The following NDUFAF2 variants were observed in gnomAD, a reference collection of about 807,000 sequenced individuals.
NDUFAF2 encodes NADH dehydrogenase [ubiquinone] 1 alpha subcomplex assembly factor 2.
A neutral mutation model predicts 22.8 loss-of-function variants in NDUFAF2; 13 were observed. That is an observed-to-expected ratio of 0.57 (90% CI 0.37 to 0.91). The LOEUF is 0.91. NDUFAF2 is among the 40% of genes least tolerant of loss of function. The pLI, the probability that NDUFAF2 is intolerant of heterozygous loss-of-function variation, is 0.01. For missense variants in NDUFAF2, 162 were observed against 195.2 expected (o/e 0.83, Z 1.01); for synonymous variants, 53 against 64.2 (o/e 0.83, Z 0.84).
At chr5:61,073,718 C>T (rs1019857851) in intron 2 of NDUFAF2, among the ~76,000 whole-genome samples, 2 of 152,114 alleles carry the variant, frequency 1.3e-5, no homozygotes, top group Admixed American at 1.3e-4. Flanking sequence ...GATGGATGCT[C>T]GATCCCTTTC....
intron 1 of NDUFAF2, among the ~76,000 whole-genome samples, chr5:60,956,137 G>A (rs1260614867): frequency 6.6e-6 from 1 of 152,094 alleles, no homozygotes; most frequent in Non-Finnish European, 1.5e-5. Flanking sequence ...CTGGGCTCAA[G>A]TGATCCACCT....
intron 2 of NDUFAF2, among the ~76,000 whole-genome samples, chr5:61,082,949 C>G (rs138723409): frequency 6.6e-6 from 1 of 152,110 alleles, no homozygotes; most frequent in South Asian, 2.1e-4. Flanking sequence ...TGAGAATCGC[C>G]AAACTGCTTT....
chr5:61,117,791 G>A (rs1285988546), intron 3 of NDUFAF2, among the ~76,000 whole-genome samples: 1 of 152,106 alleles, frequency 6.6e-6, no homozygotes, highest in Non-Finnish European at 1.5e-5. Context: ...GACCCAAATG[G>A]TCTCTGTTGA....
chr5:61,100,747 C>A (rs1752695931), intron 3 of NDUFAF2, among the ~76,000 whole-genome samples: 1 of 152,060 alleles, frequency 6.6e-6, no homozygotes, highest in Non-Finnish European at 1.5e-5. Context: ...GCTCGCTTTC[C>A]CACGCCCCAC....
chr5:61,136,039 AT>A (rs937225396), intron 3 of NDUFAF2, among the ~76,000 whole-genome samples: 3 of 103,390 alleles, frequency 2.9e-5, no homozygotes, highest in Admixed American at 1.0e-4. Context: ...ATATATATAT[AT>A]ATCTAGGGTG....
intron 1 of NDUFAF2, among the ~76,000 whole-genome samples, chr5:61,041,323 T>C (rs553710253): frequency 6.6e-6 from 1 of 152,256 alleles, no homozygotes; most frequent in East Asian, 1.9e-4. Flanking sequence ...AGTAGTTTTA[T>C]AAGTATTTGA....
chr5:60,998,919 C>T (rs1370592998), intron 1 of NDUFAF2, among the ~76,000 whole-genome samples: 1 of 151,710 alleles, frequency 6.6e-6, no homozygotes, highest in Non-Finnish European at 1.5e-5. Flanking sequence ...AATTTGAGGA[C>T]ACTGTACCAA....
intron 1 of NDUFAF2, among the ~76,000 whole-genome samples, chr5:61,031,278 C>T (rs1368911114): frequency 6.6e-6 from 1 of 151,936 alleles, no homozygotes; most frequent in Non-Finnish European, 1.5e-5. Flanking sequence ...CTACATTAGA[C>T]ATTTCTTGTA....
chr5:61,006,116 G>A (rs983540985), intron 1 of NDUFAF2, among the ~76,000 whole-genome samples: 2 of 152,100 alleles, frequency 1.3e-5, no homozygotes, highest in African/African-American at 4.8e-5. Flanking sequence ...ATTAATTTTT[G>A]TATAAGGTGT....
chr5:60,984,468 C>T (rs1339406411), intron 1 of NDUFAF2, among the ~76,000 whole-genome samples: 1 of 152,196 alleles, frequency 6.6e-6, no homozygotes, highest in Admixed American at 6.5e-5. Flanking sequence ...GCATCCCTGT[C>T]TTGTGCCAGT....
intron 1 of NDUFAF2, among the ~76,000 whole-genome samples, chr5:61,015,332 A>T (rs1399390535): frequency 6.6e-6 from 1 of 152,182 alleles, no homozygotes; most frequent in Non-Finnish European, 1.5e-5. Flanking sequence ...CCCAGGCTGA[A>T]GTGCAGTGGC....
chr5:61,036,973 A>G (rs141064027), intron 1 of NDUFAF2, among the ~76,000 whole-genome samples: 19 of 152,246 alleles, frequency 1.2e-4, no homozygotes, highest in African/African-American at 4.3e-4. Flanking sequence ...GGAGAAGCAA[A>G]TAGCACACCA....
chr5:60,977,964 C>T (rs527251967), intron 1 of NDUFAF2, among the ~76,000 whole-genome samples: 1 of 152,202 alleles, frequency 6.6e-6, no homozygotes, highest in African/African-American at 2.4e-5. Context: ...GATGAGTGAT[C>T]ATAGTACCTA....
At chr5:61,013,009 A>C (rs13179721) in intron 1 of NDUFAF2, among the ~76,000 whole-genome samples, 1 of 152,026 alleles carries the variant, frequency 6.6e-6, no homozygotes, top group East Asian at 1.9e-4. Context: ...AATTGTGTGA[A>C]TAGCATGACA....
At chr5:61,029,781 A>G (rs771527531) in intron 1 of NDUFAF2, among the ~76,000 whole-genome samples, 4 of 152,180 alleles carry the variant, frequency 2.6e-5, no homozygotes, top group Non-Finnish European at 5.9e-5. Context: ...AAATGTAAAC[A>G]TACATCTCTA....
chr5:60,986,617 C>G (rs1580081136), intron 1 of NDUFAF2, among the ~76,000 whole-genome samples: 1 of 152,078 alleles, frequency 6.6e-6, no homozygotes, highest in Non-Finnish European at 1.5e-5. Flanking sequence ...AAAGTCAGAG[C>G]TGAACTGAAG....
At chr5:61,074,743 A>G (rs1338108805) in intron 2 of NDUFAF2, among the ~76,000 whole-genome samples, 1 of 152,196 alleles carries the variant, frequency 6.6e-6, no homozygotes, top group Non-Finnish European at 1.5e-5. Flanking sequence ...TTGGGCAACA[A>G]GAGCGAAACT....
At chr5:60,949,068 A>G (rs1236621308) in intron 1 of NDUFAF2, among the ~76,000 whole-genome samples, 1 of 152,156 alleles carries the variant, frequency 6.6e-6, no homozygotes, top group Non-Finnish European at 1.5e-5. Context: ...TTTTTAAAAT[A>G]CAGTAAAATT....
rs547939923 is a variant in NDUFAF2, at chr5:61,013,980, C to T, written c.128-59145C>T. On this transcript the variant is annotated intron_variant, in intron 1 of 3. Coordinates refer to ENST00000296597, the MANE Select transcript of NDUFAF2 (RefSeq NM_174889.5). ...TGGGAAATACATATTTAATTTTTGT[C>T]TCCAGTTTCTGGCACACAGCTCCTA... 3.9e-5 allele frequency among the ~76,000 whole-genome samples: 6 copies of T among 152,266 alleles called. No individual in the cohort carries two copies. In the South Asian group the frequency reaches 1.2e-3, roughly 32 times the overall value.
Sources: allele counts gnomAD v4.1 joint callset (sites outside exome capture counted in the v4.1 genomes callset), GRCh38; gene constraint gnomAD v4.1.1; transcripts MANE v1.5; gene names NCBI Gene and HGNC (gene_info 2026-07-23, HGNC 2026-07-21).